Variants in SCNN1B observed in about 807,000 individuals in gnomAD.
SCNN1B encodes the protein sodium channel epithelial 1 subunit beta.
Under a neutral mutation model 65.3 loss-of-function variants are expected in SCNN1B, and 46 were observed. The observed-to-expected ratio is 0.70, with a 90% CI of 0.56 to 0.90. SCNN1B has a LOEUF of 0.90. SCNN1B is among the 40% of genes least tolerant of loss of function. The pLI is 0.00. For missense variants in SCNN1B, 751 were observed against 830.5 expected, an observed-to-expected ratio of 0.90 and a Z score of 1.18; for synonymous variants, 349 against 330.6, an observed-to-expected ratio of 1.06 and a Z score of -0.60.
At chr16:23,357,554 G>T (rs1258905651) in intron 4 of SCNN1B, among the ~76,000 whole-genome samples, 1 of 152,218 alleles carries the variant, frequency 6.6e-6, no homozygotes, top group Non-Finnish European at 1.5e-5. Context: ...CTACACTTCA[G>T]CCTGGGCAGC....
At chr16:23,318,664 C>T (rs574687469) in intron 1 of SCNN1B, among the ~76,000 whole-genome samples, 119 of 152,264 alleles carry the variant, frequency 7.8e-4, no homozygotes, top group African/African-American at 2.7e-3. Flanking sequence ...TGTATTCTAG[C>T]TCTCCCTGTC....
At chr16:23,293,891 TC>T (rs1186304276) in intron 2 of SCNN1B, among the ~76,000 whole-genome samples, 2 of 152,100 alleles carry the variant, frequency 1.3e-5, no homozygotes, top group Non-Finnish European at 2.9e-5. Flanking sequence ...GCCACTGTAC[TC>T]TAGCTTGGGC....
chr16:23,325,887 TAATA>T (rs1555485521), intron 1 of SCNN1B, among the ~76,000 whole-genome samples: 95 of 124,256 alleles, frequency 7.6e-4, no homozygotes, highest in East Asian at 1.1e-3. Context: ...ACCCTGTCTC[TAATA>T]AATAAATAAA....
chr16:23,293,081 CT>C (rs1365947664), intron 2 of SCNN1B, among the ~76,000 whole-genome samples: 1 of 132,554 alleles, frequency 7.5e-6, no homozygotes, highest in African/African-American at 2.9e-5. Context: ...CGCCACTGTA[CT>C]CCAGTCTGGG....
At chr16:23,297,989 A>G (rs542684500), upstream of SCNN1B, among the ~76,000 whole-genome samples, 1 of 152,308 alleles carries the variant, frequency 6.6e-6, no homozygotes, top group South Asian at 2.1e-4. Flanking sequence ...TATAAAGGGT[A>G]ATATGGCTTC....
At chr16:23,374,671 T>C (rs1026076590) in intron 7 of SCNN1B, among the ~76,000 whole-genome samples, 1 of 150,342 alleles carries the variant, frequency 6.7e-6, no homozygotes, top group Non-Finnish European at 1.5e-5. Flanking sequence ...CTTCCAGCCC[T>C]GATTTCCTGC....
At chr16:23,379,737 A>T (rs1278303745) in intron 11 of SCNN1B, among the ~76,000 whole-genome samples, 1 of 152,196 alleles carries the variant, frequency 6.6e-6, no homozygotes, top group Admixed American at 6.5e-5. Context: ...GGGCTGTCCC[A>T]GGCCAGAGTG....
chr16:23,311,167 G>A (rs1424359753), intron 1 of SCNN1B, among the ~76,000 whole-genome samples: 1 of 152,252 alleles, frequency 6.6e-6, no homozygotes, highest in African/African-American at 2.4e-5. Context: ...GGCACAACTT[G>A]TTAGAACAAG....
chr16:23,324,702 A>C lies in SCNN1B; in HGVS notation c.-9+22265A>C, dbSNP rs546084254. ...ACCTCTACCCATCCTACCCCACCCC[A>C]CACACACACGCCCCTGGCATCTTTC... is the stretch of plus-strand genomic sequence containing the variant. On this transcript the variant is annotated intron_variant, in intron 1 of 12. Coordinates refer to ENST00000343070, the MANE Select transcript of SCNN1B (RefSeq NM_000336.3). Among the ~76,000 whole-genome samples the C allele has an allele frequency of 1.6e-4, 25 of 151,982 alleles. No homozygotes were observed. In the South Asian group the frequency reaches 2.1e-3, roughly 13 times the overall value.
chr16:23,360,789 G>GGTTTT (rs1222067871), intron 4 of SCNN1B, among the ~76,000 whole-genome samples: 31 of 150,440 alleles, frequency 2.1e-4, no homozygotes, highest in Non-Finnish European at 2.7e-4. Context: ...TTTGGTTTTT[G>GGTTTT]GTTTTGTTTT....
rs534873936 is a variant in SCNN1B, at chr16:23,318,424, C to T, written c.-9+15987C>T. Among the ~76,000 whole-genome samples, 17 of 152,228 alleles carry T rather than the reference C, an allele frequency of 1.1e-4. 1 individual carries two copies. Among genetic ancestry groups the T allele is most frequent in the African/African-American group, 4.1e-4 (17 of 41,526 alleles). The stretch of plus-strand genomic sequence containing the variant: ...AGGAGTTTGAGACCAGCCTGGCCAA[C>T]ATAGTGAAACCCCATCTCTACTAAA... On this transcript the variant is annotated intron_variant, in intron 1 of 12. Coordinates refer to ENST00000343070, the MANE Select transcript of SCNN1B (RefSeq NM_000336.3).
Position 23,380,825 on chromosome 16 carries a change from G to A in SCNN1B, c.*24G>A, listed in dbSNP as rs34603451. ...AACCCTGCCCCTGCCCACCCCGGGC[G>A]GCTGAAACTCACTGAGCAGCCAAGA... On this transcript the variant is annotated 3_prime_UTR_variant, in exon 13 of 13. Transcript: ENST00000343070. The surrounding 1 kb of genome is among the most constrained non-coding windows in gnomAD (Gnocchi z 5.4). 82 of 1,611,020 alleles carry A rather than the reference G, an allele frequency of 5.1e-5. No individual in the cohort carries two copies. Among genetic ancestry groups the A allele is most frequent in the South Asian group, 1.4e-4 (13 of 91,014 alleles).
At chr16:23,333,199 A>AAGGAAGGAAGGG (rs1961862932) in intron 1 of SCNN1B, among the ~76,000 whole-genome samples, 1 of 96,404 alleles carries the variant, frequency 1.0e-5, no homozygotes, top group Admixed American at 9.5e-5. Flanking sequence ...GGAAGGAAGG[A>AAGGAAGGAAGGG]AGGAAGGAAG....
chr16:23,327,932 C>T (rs1426410181), intron 1 of SCNN1B, among the ~76,000 whole-genome samples: 2 of 152,144 alleles, frequency 1.3e-5, no homozygotes, highest in East Asian at 1.9e-4. Context: ...TGGGGTCTTC[C>T]GGATCAGTTG....
chr16:23,295,852 TCA>T (rs1353232935), intron 2 of SCNN1B, among the ~76,000 whole-genome samples: 3 of 152,072 alleles, frequency 2.0e-5, no homozygotes, highest in East Asian at 1.9e-4. Context: ...CATGGCAAAA[TCA>T]CAGTTTGTTC....
Position 23,333,107 on chromosome 16 carries a change from AAGGGAGGGAGGGAGGGAGGGAGGGAGGG to A in SCNN1B, c.-8-15481_-8-15454del, listed in dbSNP as rs199830141. ...AGAAGAAGAAAGGGAGGAAGGAAGG[AAGGGAGGGAGGGAGGGAGGGAGGGAGGG>A]AGGAAGGAAGGAAAGAAGGAAGGAA... On this transcript the variant is annotated intron_variant, in intron 1 of 12. Transcript: ENST00000343070. 3.3e-3 allele frequency among the ~76,000 whole-genome samples: 351 copies of A among 106,896 alleles called. 14 individuals carry two copies. In the East Asian group the frequency reaches 0.066, roughly 20 times the overall value. 70.1% of individuals were successfully genotyped at this position (106,896 alleles called of 152,430 possible). A position where few individuals can be genotyped will look rare whatever the true frequency, so the allele number is the denominator to read the frequency against.
At chr16:23,320,996 C>T (rs990556853) in intron 1 of SCNN1B, among the ~76,000 whole-genome samples, 7 of 152,194 alleles carry the variant, frequency 4.6e-5, no homozygotes, top group Non-Finnish European at 7.3e-5. Flanking sequence ...GATGAGTGAG[C>T]TTAAGGAGAT....
At chr16:23,320,049 G>A (rs896294889) in intron 1 of SCNN1B, among the ~76,000 whole-genome samples, 7 of 152,136 alleles carry the variant, frequency 4.6e-5, no homozygotes, top group African/African-American at 1.2e-4. Flanking sequence ...GCCCGGCCAC[G>A]TCTCAAATGT....
upstream of SCNN1B, among the ~76,000 whole-genome samples, chr16:23,300,279 G>A (rs1012303289): frequency 1.3e-5 from 2 of 152,000 alleles, no homozygotes; most frequent in South Asian, 2.1e-4. Context: ...ACCATGGCAC[G>A]TGTATACCTG....
Sources: gnomAD v4.1 joint callset for allele counts (sites outside exome capture counted in the v4.1 genomes callset) on GRCh38, gnomAD v4.1.1 for gene constraint, Gnocchi (gnomAD v3.1) non-coding constraint, MANE v1.5 for transcripts, NCBI Gene and HGNC (gene_info 2026-07-23, HGNC 2026-07-21) for gene names.